Variants in ZFR observed in about 807,000 individuals in gnomAD.
ZFR encodes the protein zinc finger RNA binding protein.
Under a neutral mutation model 130.7 loss-of-function variants are expected in ZFR, and 19 were observed. That is an observed-to-expected ratio of 0.15 (90% CI 0.10 to 0.21). ZFR has a LOEUF of 0.21. Ranked by LOEUF, ZFR falls within the 10% of genes least tolerant of loss-of-function variation. The pLI, the probability that ZFR is intolerant of heterozygous loss-of-function variation, is 1.00. For missense variants in ZFR, 872 were observed against 1,321.5 expected, an observed-to-expected ratio of 0.66 and a Z score of 5.27; for synonymous variants, 466 against 456.9, an observed-to-expected ratio of 1.02 and a Z score of -0.25.
At chr5:32,372,489 C>T (rs1752695216) in intron 17 of ZFR, among the ~76,000 whole-genome samples, 1 of 152,054 alleles carries the variant, frequency 6.6e-6, no homozygotes, top group Non-Finnish European at 1.5e-5. Flanking sequence ...CCATCTCTGC[C>T]ACCAGAGACA....
At position 32,354,421 on chromosome 5, in the gene ZFR, C is replaced by T. The variant is rs567238092; in HGVS notation, c.*1339G>A. Reference sequence around the variant, plus strand: ...AAGTAGTTTATGTTGTCAATTCTAACATATAATACATTTAAGTCATTATAT... The same window carrying T: ...AAGTAGTTTATGTTGTCAATTCTAATATATAATACATTTAAGTCATTATAT... On this transcript the variant is annotated 3_prime_UTR_variant, in exon 20 of 20. Transcript: ENST00000265069. The T allele has an allele frequency of 6.5e-6, 1 of 152,726 alleles. No homozygotes were observed. Among genetic ancestry groups the T allele is most frequent in the South Asian group, 2.1e-4 (1 of 4,828 alleles). The allele number at this position is 152,726 out of a possible 1,614,324, so 9.5% of individuals were successfully genotyped here.
chr5:32,382,877 C>T (rs1752962797), intron 15 of ZFR, among the ~76,000 whole-genome samples: 1 of 152,054 alleles, frequency 6.6e-6, no homozygotes, highest in African/African-American at 2.4e-5. Context: ...AGTAGATTAA[C>T]CCCTTATATT....
rs1213091080 is a variant in ZFR at position 32,438,251 on chromosome 5, AAATTTT to A, written c.137+5972_137+5977del. ...CAAGAATGCTACTGATTTTATCTGA[AAATTTT>A]TTTTTTTTTTTTTTTTTTTTTTTGA... is the stretch of plus-strand genomic sequence containing the variant. On this transcript the variant is annotated intron_variant, in intron 2 of 19. Transcript: ENST00000265069. Among the ~76,000 whole-genome samples the A allele has an allele frequency of 6.2e-3, 216 of 34,640 alleles. 14 individuals carry two copies. The highest frequency in any genetic ancestry group is 0.013 in the African/African-American group (149 of 11,452). 22.7% of individuals were successfully genotyped at this position (34,640 alleles called of 152,430 possible).
chr5:32,433,123 T>C (rs1754259397), intron 2 of ZFR, among the ~76,000 whole-genome samples: 1 of 151,754 alleles, frequency 6.6e-6, no homozygotes, highest in African/African-American at 2.4e-5. Flanking sequence ...GGGAGCGAGG[T>C]GGTTAAATGT....
intron 16 of ZFR, 126 bp from the exon 17 acceptor site, chr5:32,379,336 A>T: frequency 1.2e-6 from 1 of 824,330 alleles, no homozygotes; most frequent in Non-Finnish European, 2.0e-6. Flanking sequence ...ATCACACTTA[A>T]AATTGGATTC....
chr5:32,380,049 G>A (rs1264509628), intron 16 of ZFR, 26 bp downstream of exon 16: 3 of 1,606,154 alleles, frequency 1.9e-6, no homozygotes, highest in Non-Finnish European at 1.7e-6. Context: ...AAGGCTACAA[G>A]AAAAAAGTAA....
chr5:32,371,371 A>G (rs553258222), intron 17 of ZFR, among the ~76,000 whole-genome samples: 1 of 152,324 alleles, frequency 6.6e-6, no homozygotes, highest in Non-Finnish European at 1.5e-5. Context: ...CCCTGTCTCA[A>G]AAACAAATGA....
In ZFR at chr5:32,388,492, A is replaced by G. The variant is rs748095566; in HGVS notation, c.2325T>C (p.Asp775=). ...ACCTGTCTTTACCTCCCTCTTTCTT[A>G]TCATCTCCCTCTTTGTTCTTGTTCT... ...HEKNKNKEGD[D]KKEGGKDRAL... The change falls in exon 13 of 20, where the codon GAT becomes GAC. Residue 775 remains aspartate (D), a synonymous_variant. Coordinates refer to ENST00000265069, the MANE Select transcript of ZFR (RefSeq NM_016107.5). The G allele has an allele frequency of 6.2e-7, 1 of 1,613,922 alleles. No individual in the cohort carries two copies. Among genetic ancestry groups the G allele is most frequent in the Non-Finnish European group, 8.5e-7 (1 of 1,179,876 alleles).
At chr5:32,374,532 TAAATA>T (rs1350304417) in intron 17 of ZFR, among the ~76,000 whole-genome samples, 2 of 151,844 alleles carry the variant, frequency 1.3e-5, no homozygotes, top group Non-Finnish European at 2.9e-5. Context: ...AATAAATAAA[TAAATA>T]AAATTTGAAG....
chr5:32,408,074 T>C (rs1753616243), intron 5 of ZFR, among the ~76,000 whole-genome samples: 1 of 152,174 alleles, frequency 6.6e-6, no homozygotes, highest in Non-Finnish European at 1.5e-5. Flanking sequence ...AGTAGTAAGT[T>C]ATAACTAAAC....
rs377709321 is a variant in ZFR at position 32,422,792 on chromosome 5, C to T, written c.138-2689G>A. ...TCCAGCCTGGATGACAGAGTAAAAC[C>T]TGTCTCAAAAAAAAAAAAAAAAAAA... On this transcript the variant is annotated intron_variant, in intron 2 of 19. Transcript: ENST00000265069. 5.0e-3 allele frequency among the ~76,000 whole-genome samples: 86 copies of T among 17,158 alleles called. No individual in the cohort carries two copies. In the Middle Eastern group the frequency reaches 0.075, roughly 15 times the overall value. The allele number at this position is 17,158 out of a possible 152,430, so 11.3% of individuals were successfully genotyped here.
rs1281402804 is a variant in ZFR, at chr5:32,355,559, G to C, written c.*201C>G. ...GGAACTACTGTTTTCCCCCTAGTCG[G>C]AGCACATTTTTTTTTTTGGGTGTCT... On this transcript the variant is annotated 3_prime_UTR_variant, in exon 20 of 20. Coordinates refer to ENST00000265069, the MANE Select transcript of ZFR (RefSeq NM_016107.5). The C allele has an allele frequency of 1.5e-5, 6 of 404,978 alleles. No individual in the cohort carries two copies. Among genetic ancestry groups the C allele is most frequent in the African/African-American group, 1.2e-4 (6 of 48,218 alleles). 25.1% of individuals were successfully genotyped at this position (404,978 alleles called of 1,614,324 possible). A position where few individuals can be genotyped will look rare whatever the true frequency, so the allele number is the denominator to read the frequency against.
intron 8 of ZFR, among the ~76,000 whole-genome samples, chr5:32,402,786 A>G (rs1753487423): frequency 9.7e-4 from 1 of 1,028 alleles, no homozygotes. Context: ...TCAAAAATGA[A>G]AAAAAAAAAA....
At chr5:32,427,416 C>CCTTACGAA (rs1754098620) in intron 2 of ZFR, among the ~76,000 whole-genome samples, 1 of 144,864 alleles carries the variant, frequency 6.9e-6, no homozygotes, top group South Asian at 2.2e-4. Context: ...AAGAAAACAA[C>CCTTACGAA]CTTACGAATA....
intron 5 of ZFR, among the ~76,000 whole-genome samples, chr5:32,410,847 C>A (rs538756407): frequency 6.6e-6 from 1 of 152,244 alleles, no homozygotes; most frequent in East Asian, 1.9e-4. Context: ...ACAATGGTTT[C>A]TCTGATTTGG....
chr5:32,393,492 C>T (rs1342756310), intron 11 of ZFR, among the ~76,000 whole-genome samples: 4 of 152,002 alleles, frequency 2.6e-5, no homozygotes, highest in East Asian at 3.9e-4. Context: ...TACAGGCATG[C>T]GCCACCACGC....
At chr5:32,424,447 CGTGAGCCCAGAAGGCGGAGCTTGCA>C (rs1754026554) in intron 2 of ZFR, among the ~76,000 whole-genome samples, 1 of 150,904 alleles carries the variant, frequency 6.6e-6, no homozygotes, top group African/African-American at 2.4e-5. Context: ...AGGAGAATGG[CGTGAGCCCAGAAGGCGGAGCTTGCA>C]GTGAGCCGAG....
chr5:32,422,929 T>A (rs962758435), intron 2 of ZFR, among the ~76,000 whole-genome samples: 1 of 148,854 alleles, frequency 6.7e-6, no homozygotes, highest in Non-Finnish European at 1.5e-5. Context: ...GTACACACAC[T>A]CTATATTCTT....
chr5:32,426,264 CA>C (rs1271125439), intron 2 of ZFR, among the ~76,000 whole-genome samples: 1 of 151,858 alleles, frequency 6.6e-6, no homozygotes, highest in East Asian at 1.9e-4. Context: ...TTTTCTTTAA[CA>C]GTTTAAAATA....
Sources: allele counts gnomAD v4.1 joint callset (sites outside exome capture counted in the v4.1 genomes callset), GRCh38; gene constraint gnomAD v4.1.1; transcripts MANE v1.5; gene names NCBI Gene and HGNC (gene_info 2026-07-23, HGNC 2026-07-21).